The following CTNNA2 variants were observed in gnomAD, a reference collection of about 807,000 sequenced individuals.
CTNNA2 encodes the protein catenin alpha-2.
Under a neutral mutation model 101.0 loss-of-function variants are expected in CTNNA2, and 42 were observed. The observed-to-expected ratio is 0.42, with a 90% CI of 0.32 to 0.54. CTNNA2 has a LOEUF of 0.54. CTNNA2 is among the 20% of genes least tolerant of loss of function. The pLI is 0.14. For synonymous variants in CTNNA2, 450 were observed against 456.4 expected (o/e 0.99, Z 0.18); for missense variants, 871 against 1,223.1 (o/e 0.71, Z 4.29).
At chr2:80,362,132 A>G (rs1308748178) in intron 7 of CTNNA2, among the ~76,000 whole-genome samples, 2 of 152,022 alleles carry the variant, frequency 1.3e-5, no homozygotes, top group African/African-American at 2.4e-5. Flanking sequence ...GGAGAAAGGA[A>G]CCTAAATGAA....
chr2:80,382,937 C>A (rs1036518501), intron 7 of CTNNA2, among the ~76,000 whole-genome samples: 3 of 152,260 alleles, frequency 2.0e-5, no homozygotes, highest in South Asian at 4.1e-4. Flanking sequence ...GTGTGTGTAT[C>A]TGTGTATAAA....
At chr2:79,590,234 G>A (rs1422411085) in intron 1 of CTNNA2, among the ~76,000 whole-genome samples, 1 of 152,108 alleles carries the variant, frequency 6.6e-6, no homozygotes, top group Non-Finnish European at 1.5e-5. Flanking sequence ...ACTTAACCAT[G>A]CTCTGCTGGT....
At chr2:80,006,359 T>A (rs1438193740) in intron 7 of CTNNA2, among the ~76,000 whole-genome samples, 3 of 139,042 alleles carry the variant, frequency 2.2e-5, no homozygotes, top group Non-Finnish European at 3.1e-5. Flanking sequence ...AGAAGTGCAG[T>A]AAAAAAAAAA....
At chr2:80,542,703 T>C (rs1215540266) in intron 9 of CTNNA2, among the ~76,000 whole-genome samples, 1 of 152,148 alleles carries the variant, frequency 6.6e-6, no homozygotes, top group Non-Finnish European at 1.5e-5. Context: ...TCAAGTCTTT[T>C]GCACAGCAAG....
intron 7 of CTNNA2, among the ~76,000 whole-genome samples, chr2:80,354,997 G>T (rs1042659405): frequency 3.9e-5 from 6 of 151,978 alleles, no homozygotes; most frequent in Non-Finnish European, 7.4e-5. Context: ...AGGATTCATG[G>T]TGTTTATTTT....
chr2:80,443,961 AGACATGAATAGGTTAAAATCAT>A (rs900417315), intron 9 of CTNNA2, among the ~76,000 whole-genome samples: 19 of 152,298 alleles, frequency 1.2e-4, no homozygotes, highest in African/African-American at 4.6e-4. Context: ...TGGGTTAGGG[AGACATGAATAGGTTAAAATCAT>A]GACATGAATA....
At chr2:80,465,007 A>G (rs1046634327) in intron 9 of CTNNA2, among the ~76,000 whole-genome samples, 8 of 152,160 alleles carry the variant, frequency 5.3e-5, no homozygotes, top group Admixed American at 1.3e-4. Context: ...ATTTCACAGT[A>G]TTTTAATTAT....
At chr2:79,766,940 G>C (rs1463642883) in intron 3 of CTNNA2, among the ~76,000 whole-genome samples, 1 of 151,870 alleles carries the variant, frequency 6.6e-6, no homozygotes, top group Non-Finnish European at 1.5e-5. Flanking sequence ...ATTTTTAGTA[G>C]AGATAGGGTT....
intron 2 of CTNNA2, among the ~76,000 whole-genome samples, chr2:79,238,732 G>A (rs1674587743): frequency 6.6e-6 from 1 of 152,176 alleles, no homozygotes; most frequent in South Asian, 2.1e-4. Context: ...CATTAATGTA[G>A]TGTTTTAAGA....
chr2:80,639,545 G>A (rs1407138465), intron 18 of CTNNA2, among the ~76,000 whole-genome samples: 2 of 151,718 alleles, frequency 1.3e-5, no homozygotes, highest in African/African-American at 4.9e-5. Flanking sequence ...GTGTGTCTGT[G>A]TTTTTAACAA....
chr2:79,696,775 C>A (rs930927836), intron 2 of CTNNA2, among the ~76,000 whole-genome samples: 1 of 152,016 alleles, frequency 6.6e-6, no homozygotes, highest in African/African-American at 2.4e-5. Context: ...TGAATCATCT[C>A]TAATCTTTAG....
intron 7 of CTNNA2, among the ~76,000 whole-genome samples, chr2:80,221,287 C>T (rs2149054770): frequency 6.6e-6 from 1 of 152,310 alleles, no homozygotes; most frequent in South Asian, 2.1e-4. Context: ...TCAAGGACTA[C>T]TACTTTCTTA....
intron 7 of CTNNA2, among the ~76,000 whole-genome samples, chr2:79,972,092 G>A (rs557112040): frequency 1.3e-5 from 2 of 152,280 alleles, no homozygotes; most frequent in East Asian, 3.9e-4. Context: ...GGGCCAACCA[G>A]ACTCAGAGAG....
chr2:80,315,653 A>C (rs1265273955), intron 7 of CTNNA2, among the ~76,000 whole-genome samples: 1 of 152,198 alleles, frequency 6.6e-6, no homozygotes, highest in African/African-American at 2.4e-5. Flanking sequence ...CCATTTGGCA[A>C]ATTGCTGTTG....
Position 79,644,990 on chromosome 2 carries a change from G to GT in CTNNA2, c.-5-6552dup, listed in dbSNP as rs577576083. Among the ~76,000 whole-genome samples the GT allele has an allele frequency of 8.5e-4, 124 of 146,540 alleles. 1 individual carries two copies. Among genetic ancestry groups the GT allele is most frequent in the Middle Eastern group, 3.5e-3 (1 of 286 alleles). ...GTTCAAGTTTTGTTTTTTGTTTTTT[G>GT]TTTTTTTTTTGAGATGAGGTTTTAC... On this transcript the variant is annotated intron_variant, in intron 1 of 18. Coordinates refer to ENST00000402739, the MANE Select transcript of CTNNA2 (RefSeq NM_001282597.3).
intron 1 of CTNNA2, among the ~76,000 whole-genome samples, chr2:79,612,575 A>AT (rs1396245059): frequency 6.6e-6 from 1 of 152,084 alleles, no homozygotes; most frequent in Non-Finnish European, 1.5e-5. Flanking sequence ...CTGAGTGAGG[A>AT]TTTTACATTG....
intron 7 of CTNNA2, among the ~76,000 whole-genome samples, chr2:80,381,748 G>A (rs1676534329): frequency 6.6e-6 from 1 of 152,130 alleles, no homozygotes; most frequent in Non-Finnish European, 1.5e-5. Context: ...TTGCTGCGGG[G>A]CTGGCAATGG....
chr2:80,600,963 T>C (rs560466544), intron 15 of CTNNA2, among the ~76,000 whole-genome samples: 1 of 152,316 alleles, frequency 6.6e-6, no homozygotes, highest in South Asian at 2.1e-4. Flanking sequence ...TATTCTCGAC[T>C]AGTTGTAACT....
chr2:79,553,591 G>A (rs1674254051), intron 1 of CTNNA2, among the ~76,000 whole-genome samples: 1 of 152,160 alleles, frequency 6.6e-6, no homozygotes, highest in Admixed American at 6.6e-5. Context: ...TAGTTATGGT[G>A]GAAGGCAAAG....
Sources: gnomAD v4.1 joint callset for allele counts (sites outside exome capture counted in the v4.1 genomes callset) on GRCh38, gnomAD v4.1.1 for gene constraint, MANE v1.5 for transcripts, NCBI Gene and HGNC (gene_info 2026-07-23, HGNC 2026-07-21) for gene names.